Variants in SPIDR observed in about 807,000 individuals in gnomAD.
The protein encoded by SPIDR is DNA repair-scaffolding protein.
A neutral mutation model predicts 104.6 loss-of-function variants in SPIDR; 93 were observed. The ratio of observed to expected loss-of-function variants is 0.89; its 90% CI spans 0.75 to 1.06. The LOEUF is 1.06. SPIDR is among the 50% of genes least tolerant of loss of function. The pLI is 0.00. For missense variants in SPIDR, 1,154 were observed against 1,111.2 expected (o/e 1.04, Z -0.55); for synonymous variants, 431 against 416.9 (o/e 1.03, Z -0.41).
chr8:47,321,718 A>C (rs2046638329), intron 5 of SPIDR, among the ~76,000 whole-genome samples: 1 of 152,204 alleles, frequency 6.6e-6, no homozygotes. Flanking sequence ...CAGTAACCAA[A>C]ACTGCATGGT....
intron 10 of SPIDR, among the ~76,000 whole-genome samples, chr8:47,614,430 G>A (rs1210978580): frequency 6.6e-6 from 1 of 152,040 alleles, no homozygotes; most frequent in Non-Finnish European, 1.5e-5. Flanking sequence ...CACCCTGTTG[G>A]CCAGGATGGT....
intron 5 of SPIDR, among the ~76,000 whole-genome samples, chr8:47,328,035 C>T (rs1487913766): frequency 6.8e-6 from 1 of 147,250 alleles, no homozygotes; most frequent in Non-Finnish European, 1.5e-5. Context: ...ACTTTTTTGA[C>T]AATATTCTTG....
At chr8:47,273,069 A>G (rs2035659361) in intron 1 of SPIDR, among the ~76,000 whole-genome samples, 1 of 152,200 alleles carries the variant, frequency 6.6e-6, no homozygotes, top group Non-Finnish European at 1.5e-5. Context: ...CCAAGCATCC[A>G]GTAGACACCA....
chr8:47,610,524 T>C (rs1227997098), intron 10 of SPIDR, among the ~76,000 whole-genome samples: 1 of 152,210 alleles, frequency 6.6e-6, no homozygotes, highest in Admixed American at 6.5e-5. Flanking sequence ...TTTGCCTCTG[T>C]CAAATGACCT....
intron 10 of SPIDR, among the ~76,000 whole-genome samples, chr8:47,666,740 T>C (rs1416927909): frequency 1.3e-5 from 2 of 152,206 alleles, no homozygotes; most frequent in Non-Finnish European, 2.9e-5. Flanking sequence ...GTTTGTATTT[T>C]AAGCTTCAAA....
intron 5 of SPIDR, among the ~76,000 whole-genome samples, chr8:47,331,099 A>G (rs1321445466): frequency 1.3e-5 from 2 of 152,212 alleles, no homozygotes; most frequent in South Asian, 2.1e-4. Context: ...CTCTGGTAAT[A>G]TATGATGTGG....
chr8:47,606,743 T>G (rs2063003406), intron 10 of SPIDR, among the ~76,000 whole-genome samples: 1 of 152,198 alleles, frequency 6.6e-6, no homozygotes, highest in Non-Finnish European at 1.5e-5. Context: ...GGCACACTGA[T>G]TCCCCAGCTG....
intron 16 of SPIDR, among the ~76,000 whole-genome samples, chr8:47,721,535 G>A (rs568736776): frequency 3.3e-5 from 5 of 151,432 alleles, no homozygotes; most frequent in Non-Finnish European, 7.4e-5. Context: ...GCAGTGGCAC[G>A]ATCTTGGCTC....
intron 8 of SPIDR, among the ~76,000 whole-genome samples, chr8:47,534,594 C>T (rs1389729994): frequency 1.3e-5 from 2 of 152,026 alleles, no homozygotes; most frequent in East Asian, 3.9e-4. Flanking sequence ...CTTAAGAACA[C>T]AAAGAAGGAG....
intron 7 of SPIDR, among the ~76,000 whole-genome samples, chr8:47,428,076 C>G (rs950961672): frequency 6.6e-6 from 1 of 152,218 alleles, no homozygotes; most frequent in Non-Finnish European, 1.5e-5. Context: ...ACGTGCGCCA[C>G]GACGCCTGGC....
At chr8:47,332,142 C>T (rs2048879344) in intron 5 of SPIDR, among the ~76,000 whole-genome samples, 1 of 62,068 alleles carries the variant, frequency 1.6e-5, no homozygotes, top group Non-Finnish European at 3.2e-5. Flanking sequence ...AATGCTATCC[C>T]TCCCCCCTCC....
chr8:47,282,159 T>G (rs2037921529), intron 2 of SPIDR, among the ~76,000 whole-genome samples: 1 of 152,244 alleles, frequency 6.6e-6, no homozygotes, highest in Non-Finnish European at 1.5e-5. Context: ...CATCCAGGCT[T>G]TGTTGTTACA....
chr8:47,271,971 T>C (rs1286503816), intron 1 of SPIDR, among the ~76,000 whole-genome samples: 1 of 151,984 alleles, frequency 6.6e-6, no homozygotes, highest in African/African-American at 2.4e-5. Context: ...GGGCTAATTT[T>C]TGTATTTTTT....
At chr8:47,673,983 T>C (rs1554566776) in intron 11 of SPIDR, 42 bp downstream of exon 11, 22 of 1,594,610 alleles carry the variant, frequency 1.4e-5, no homozygotes, top group Non-Finnish European at 1.8e-5. Context: ...CTACAATTGT[T>C]GGTTCTTTTT....
intron 7 of SPIDR, among the ~76,000 whole-genome samples, chr8:47,433,471 C>T (rs1435246991): frequency 9.6e-5 from 7 of 73,100 alleles, no homozygotes; most frequent in African/African-American, 2.3e-4. Context: ...CCTGCCCAGG[C>T]TCCAGCCGAC....
intron 5 of SPIDR, among the ~76,000 whole-genome samples, chr8:47,338,736 A>G (rs2050200752): frequency 1.3e-5 from 2 of 152,212 alleles, no homozygotes; most frequent in African/African-American, 4.8e-5. Context: ...CCATTGGCCC[A>G]TCATTTTGTA....
intron 8 of SPIDR, among the ~76,000 whole-genome samples, chr8:47,552,040 T>C (rs915832642): frequency 2.2e-4 from 34 of 152,230 alleles, no homozygotes; most frequent in African/African-American, 8.2e-4. Flanking sequence ...CCAGTAGTCA[T>C]TCAGGAGCAG....
At position 47,311,197 on chromosome 8, in the gene SPIDR, C is replaced by T. The variant is rs587729201; in HGVS notation, c.525+17167C>T. Among the ~76,000 whole-genome samples the T allele has an allele frequency of 3.3e-5, 5 of 152,140 alleles. No homozygotes were observed. In the South Asian group the frequency reaches 1.0e-3, roughly 32 times the overall value. On this transcript the variant is annotated intron_variant, in intron 5 of 19. Coordinates refer to ENST00000297423, the MANE Select transcript of SPIDR (RefSeq NM_001080394.4). ...TCAAATGAAAACTGATTAGAGATTA[C>T]AGAAGATTAGGAAAAGAAAAGGAGT...
intron 8 of SPIDR, among the ~76,000 whole-genome samples, chr8:47,450,209 G>A (rs1430471581): frequency 2.6e-5 from 4 of 152,092 alleles, no homozygotes; most frequent in Non-Finnish European, 5.9e-5. Flanking sequence ...TAGAAGCTGG[G>A]AAGTCCAAGA....
Sources: allele counts gnomAD v4.1 joint callset (sites outside exome capture counted in the v4.1 genomes callset), GRCh38; gene constraint gnomAD v4.1.1; transcripts MANE v1.5; gene names NCBI Gene and HGNC (gene_info 2026-07-23, HGNC 2026-07-21).